PTPRN2: variants seen among roughly 807,000 people sequenced by gnomAD.
PTPRN2 encodes receptor-type tyrosine-protein phosphatase N2.
In PTPRN2, 74 loss-of-function variants were observed where a neutral mutation model predicts 118.8. The ratio of observed to expected loss-of-function variants is 0.62; its 90% CI spans 0.52 to 0.76. The LOEUF (loss-of-function observed/expected upper bound fraction) is 0.76, where lower values mean the gene tolerates loss of function less well. Ranked by LOEUF, PTPRN2 falls within the 30% of genes least tolerant of loss-of-function variation. The pLI, the probability that PTPRN2 is intolerant of heterozygous loss-of-function variation, is 0.00. For missense variants in PTPRN2, 1,481 were observed against 1,394.4 expected, an observed-to-expected ratio of 1.06 and a Z score of -0.99; for synonymous variants, 641 against 608.0, an observed-to-expected ratio of 1.05 and a Z score of -0.80.
intron 12 of PTPRN2, among the ~76,000 whole-genome samples, chr7:157,777,977 CA>C (rs5888729): frequency 0.075 from 8,202 of 109,514 alleles, 525 homozygotes; most frequent in African/African-American, 0.21. Flanking sequence ...TACACCACAG[CA>C]AAAAAAAAAA....
At chr7:158,200,370 C>A (rs565409101) in intron 4 of PTPRN2, among the ~76,000 whole-genome samples, 1 of 152,194 alleles carries the variant, frequency 6.6e-6, no homozygotes, top group Admixed American at 6.5e-5. Context: ...ACGCCGAGGA[C>A]GAGCTGACGC....
At chr7:158,344,362 A>G (rs1237605458) in intron 2 of PTPRN2, among the ~76,000 whole-genome samples, 1 of 152,326 alleles carries the variant, frequency 6.6e-6, no homozygotes, top group South Asian at 2.1e-4. Context: ...AGTGGGGAGC[A>G]TTGGCCCCAG....
intron 3 of PTPRN2, among the ~76,000 whole-genome samples, chr7:158,277,155 A>T (rs1330164690): frequency 1.3e-5 from 2 of 151,266 alleles, no homozygotes; most frequent in East Asian, 3.9e-4. Context: ...GCGCACATAC[A>T]CGTGCACATA....
intron 3 of PTPRN2, among the ~76,000 whole-genome samples, chr7:158,206,941 A>C (rs1463673548): frequency 7.4e-6 from 1 of 134,702 alleles, no homozygotes; most frequent in Admixed American, 7.3e-5. Flanking sequence ...TATATCTCCC[A>C]ATGCTATCCC....
intron 11 of PTPRN2, among the ~76,000 whole-genome samples, chr7:157,996,938 G>A (rs553084935): frequency 2.9e-4 from 44 of 152,262 alleles, no homozygotes; most frequent in Middle Eastern, 3.4e-3. Context: ...GGGGAGGCAC[G>A]AGCTTCTCTG....
intron 3 of PTPRN2, among the ~76,000 whole-genome samples, chr7:158,305,830 T>C (rs1331488529): frequency 2.0e-5 from 3 of 148,312 alleles, no homozygotes; most frequent in Non-Finnish European, 4.5e-5. Context: ...AAGAAAGAAA[T>C]GGCTGAATCT....
intron 3 of PTPRN2, among the ~76,000 whole-genome samples, chr7:158,252,402 C>T (rs544311864): frequency 4.3e-4 from 66 of 152,246 alleles, no homozygotes; most frequent in African/African-American, 1.4e-3. Flanking sequence ...AACTGGGCAG[C>T]GGGAATGGAG....
intron 2 of PTPRN2, among the ~76,000 whole-genome samples, chr7:158,376,973 C>T (rs556880186): frequency 5.1e-4 from 23 of 44,914 alleles, no homozygotes; most frequent in South Asian, 1.1e-3. Context: ...ACGTCCTGCA[C>T]GCGGGGTCAG....
chr7:158,097,726 G>A (rs115261695), intron 10 of PTPRN2, among the ~76,000 whole-genome samples: 1 of 152,236 alleles, frequency 6.6e-6, no homozygotes, highest in African/African-American at 2.4e-5. Context: ...GGTCACTGCC[G>A]GTCTGCTGGC....
At chr7:158,442,010 GTGGTGATAGTGA>G (rs1346987459) in intron 2 of PTPRN2, among the ~76,000 whole-genome samples, 3 of 150,090 alleles carry the variant, frequency 2.0e-5, no homozygotes, top group African/African-American at 7.3e-5. Flanking sequence ...CATGGCAGTG[GTGGTGATAGTGA>G]TGGTGATAGT....
chr7:158,352,889 G>C (rs1808111513), intron 2 of PTPRN2, among the ~76,000 whole-genome samples: 1 of 152,250 alleles, frequency 6.6e-6, no homozygotes, highest in African/African-American at 2.4e-5. Context: ...CTGTTACTCT[G>C]TTTCTGGAAC....
intron 2 of PTPRN2, among the ~76,000 whole-genome samples, chr7:158,464,737 G>A (rs1269378129): frequency 1.3e-5 from 2 of 149,818 alleles, no homozygotes; most frequent in African/African-American, 4.9e-5. Flanking sequence ...CGCCATCATT[G>A]CCATGCCATT....
chr7:157,925,357 C>T (rs1478438599), intron 11 of PTPRN2, among the ~76,000 whole-genome samples: 1 of 151,976 alleles, frequency 6.6e-6, no homozygotes. Context: ...AGTCAGGATG[C>T]AGGCACCTGC....
chr7:158,486,747 C>T (rs1821061682), intron 2 of PTPRN2, among the ~76,000 whole-genome samples: 1 of 152,224 alleles, frequency 6.6e-6, no homozygotes, highest in South Asian at 2.1e-4. Flanking sequence ...GCTGCAGTTT[C>T]ATAGTTCCAA....
chr7:157,725,103 C>T (rs1270281220), intron 12 of PTPRN2, among the ~76,000 whole-genome samples: 4 of 151,582 alleles, frequency 2.6e-5, no homozygotes, highest in African/African-American at 7.3e-5. Flanking sequence ...GGGGAAAGGA[C>T]GGTTTCCTCA....
intron 2 of PTPRN2, among the ~76,000 whole-genome samples, chr7:158,367,960 C>T (rs1809663856): frequency 6.6e-6 from 1 of 152,202 alleles, no homozygotes; most frequent in African/African-American, 2.4e-5. Flanking sequence ...TGTTTCAAGA[C>T]ACCAAATTCC....
At chr7:158,336,445 C>G in intron 2 of PTPRN2, among the ~76,000 whole-genome samples, 1 of 103,306 alleles carries the variant, frequency 9.7e-6, no homozygotes, top group East Asian at 3.1e-4. Flanking sequence ...CACTCACACC[C>G]ACACATGTCA....
intron 2 of PTPRN2, among the ~76,000 whole-genome samples, chr7:158,425,202 G>A (rs1446472801): frequency 8.7e-5 from 3 of 34,346 alleles, no homozygotes; most frequent in African/African-American, 1.5e-4. Context: ...GCGCACCGCC[G>A]GGAAAGACGC....
chr7:157,952,594 G>A (rs542843376), intron 11 of PTPRN2, among the ~76,000 whole-genome samples: 6 of 152,198 alleles, frequency 3.9e-5, no homozygotes, highest in African/African-American at 1.4e-4. Flanking sequence ...GTCTAGGGGT[G>A]AGGGAGCCAT....
Sources: gnomAD v4.1 joint callset for allele counts (sites outside exome capture counted in the v4.1 genomes callset) on GRCh38, gnomAD v4.1.1 for gene constraint, MANE v1.5 for transcripts, NCBI Gene and HGNC (gene_info 2026-07-23, HGNC 2026-07-21) for gene names.